Variants in RNASEH2B observed in about 807,000 individuals in gnomAD.
The protein encoded by RNASEH2B is Aicardi-Goutieres syndrome 2 protein.
A neutral mutation model predicts 45.0 loss-of-function variants in RNASEH2B; 36 were observed. The ratio of observed to expected loss-of-function variants is 0.80; its 90% confidence interval spans 0.61 to 1.06. RNASEH2B has a LOEUF of 1.06. RNASEH2B is among the 50% of genes least tolerant of loss of function. The pLI, the probability that RNASEH2B is intolerant of heterozygous loss-of-function variation, is 0.00. For synonymous variants in RNASEH2B, 119 were observed against 125.7 expected, an observed-to-expected ratio of 0.95 and a Z score of 0.35; for missense variants, 361 against 360.3, an observed-to-expected ratio of 1.00 and a Z score of -0.02.
chr13:50,941,109 C>G (rs1388659405), intron 5 of RNASEH2B: 3 of 152,138 alleles, frequency 2.0e-5, no homozygotes, highest in African/African-American at 4.8e-5. Context: ...TAGCACAGAC[C>G]TGAATAAACA....
intron 9 of RNASEH2B, among the ~76,000 whole-genome samples, chr13:50,962,403 ATTTTCTTTTT>A (rs554169022): frequency 6.7e-6 from 1 of 148,986 alleles, no homozygotes; most frequent in African/African-American, 2.4e-5. Context: ...AGCTATTCTA[ATTTTCTTTTT>A]TTTTCTTGTG....
At chr13:50,910,332 G>C (rs944863640) in intron 1 of RNASEH2B, 192 bp downstream of exon 1, 11 of 417,336 alleles carry the variant, frequency 2.6e-5, no homozygotes, top group Non-Finnish European at 3.8e-5. Context: ...ACCCGGAAGC[G>C]CCGAAAAGGA....
intron 1 of RNASEH2B, among the ~76,000 whole-genome samples, chr13:50,922,085 T>C (rs1330115098): frequency 6.6e-6 from 1 of 152,208 alleles, no homozygotes; most frequent in Non-Finnish European, 1.5e-5. Context: ...CAGGGCATAG[T>C]TGTTATTTGA....
At chr13:50,950,501 G>T (rs565776681) in intron 9 of RNASEH2B, 73 of 152,334 alleles carry the variant, frequency 4.8e-4, no homozygotes, top group African/African-American at 1.6e-3. Flanking sequence ...GCACTGGGCA[G>T]AAGTCTGTTG....
chr13:50,932,113 G>T (rs1056678456), intron 4 of RNASEH2B, among the ~76,000 whole-genome samples: 1 of 152,022 alleles, frequency 6.6e-6, no homozygotes, highest in South Asian at 2.1e-4. Flanking sequence ...ATTATTGGCC[G>T]CAAATATTGT....
chr13:50,967,082 A>G (rs904827733), intron 9 of RNASEH2B, among the ~76,000 whole-genome samples: 11 of 152,162 alleles, frequency 7.2e-5, no homozygotes, highest in African/African-American at 1.4e-4. Context: ...AAATGGGACT[A>G]TATCATCAAG....
chr13:50,946,009 A>G (rs1383290118), intron 7 of RNASEH2B, among the ~76,000 whole-genome samples: 1 of 152,164 alleles, frequency 6.6e-6, no homozygotes, highest in African/African-American at 2.4e-5. Flanking sequence ...CCTGTGGCAC[A>G]GTTGTACTGT....
chr13:50,931,062 AT>A (rs1951676064), intron 4 of RNASEH2B, among the ~76,000 whole-genome samples: 1 of 152,282 alleles, frequency 6.6e-6, no homozygotes, highest in African/African-American at 2.4e-5. Context: ...CTCCTTTATC[AT>A]TAAGTATTCC....
In RNASEH2B at chr13:50,918,139, A is replaced by G. The variant is rs1480325075; in HGVS notation, c.64+7999A>G. Among the ~76,000 whole-genome samples the G allele has an allele frequency of 2.0e-5, 3 of 151,726 alleles. No homozygotes were observed. The East Asian group carries it at 5.8e-4, about 29-fold the overall frequency. On this transcript the variant is annotated intron_variant, in intron 1 of 10. Coordinates refer to ENST00000336617, the MANE Select transcript of RNASEH2B (RefSeq NM_024570.4). ...AGGCTAGTTTCTAATTTTTATATTT[A>G]TTTATTTATTTATTTAGAGACAGAG...
rs540984248 is a variant in RNASEH2B at position 50,909,803 on chromosome 13, G to C, written c.-274G>C. On this transcript the variant is annotated 5_prime_UTR_variant, in exon 1 of 11. Transcript: ENST00000336617. ...ATGAGCACCTACCACTAGCGGAGCC[G>C]CGAGGGAGAGGCCGCGGCCCCTTCC... 2.7e-6 allele frequency: 1 copy of C among 365,636 alleles called. No individual in the cohort carries two copies. The highest frequency in any genetic ancestry group is 5.0e-6 in the Non-Finnish European group (1 of 201,654). 22.6% of individuals were successfully genotyped at this position (365,636 alleles called of 1,614,324 possible). A position where few individuals can be genotyped will look rare whatever the true frequency, so the allele number is the denominator to read the frequency against.
intron 1 of RNASEH2B, among the ~76,000 whole-genome samples, chr13:50,917,528 T>C (rs1162688497): frequency 3.3e-5 from 5 of 152,224 alleles, no homozygotes; most frequent in Admixed American, 3.3e-4. Flanking sequence ...GTTATAACTT[T>C]GCAAAACACT....
In RNASEH2B at chr13:50,964,770, G is replaced by A. The variant is rs183346744; in HGVS notation, c.742-5162G>A. ...TTAAAGTGCCTAAGCTGTTTTCTGGGTTTCTTTTGGGTCCTTGAATATGCC... is the reference window on the plus strand; with the variant it reads ...TTAAAGTGCCTAAGCTGTTTTCTGGATTTCTTTTGGGTCCTTGAATATGCC... On this transcript the variant is annotated intron_variant, in intron 9 of 9. Transcript: ENST00000422660. Among the ~76,000 whole-genome samples, 6 of 152,264 alleles carry A rather than the reference G, an allele frequency of 3.9e-5. No individual in the cohort carries two copies. In the East Asian group the frequency reaches 7.7e-4, roughly 20 times the overall value.
intron 9 of RNASEH2B, among the ~76,000 whole-genome samples, chr13:50,968,046 T>G (rs1382400280): frequency 6.6e-6 from 1 of 152,216 alleles, no homozygotes; most frequent in African/African-American, 2.4e-5. Context: ...CTCAGAGCCA[T>G]TAGACTGACC....
intron 7 of RNASEH2B, among the ~76,000 whole-genome samples, chr13:50,946,318 G>C (rs1283458507): frequency 6.6e-6 from 1 of 152,122 alleles, no homozygotes; most frequent in East Asian, 1.9e-4. Context: ...TATACATATG[G>C]CTTTAGTCAT....
intron 9 of RNASEH2B, among the ~76,000 whole-genome samples, chr13:50,962,218 T>G (rs1003692180): frequency 1.3e-5 from 2 of 152,174 alleles, no homozygotes; most frequent in African/African-American, 4.8e-5. Flanking sequence ...ACTGGGCTTA[T>G]AAAATGAGTT....
chr13:50,970,264 A>G, exon 10 of RNASEH2B: 1 of 534,524 alleles, frequency 1.9e-6, no homozygotes, highest in South Asian at 2.8e-5. Flanking sequence ...TGTTTTAGGT[A>G]TGGATGTGGT....
chr13:50,924,443 A>T (rs1049252050), intron 1 of RNASEH2B, among the ~76,000 whole-genome samples: 1 of 152,262 alleles, frequency 6.6e-6, no homozygotes, highest in Non-Finnish European at 1.5e-5. Flanking sequence ...TACTAGACAC[A>T]TAACAGTCTA....
At chr13:50,949,292 T>A in intron 8 of RNASEH2B, 171 bp from the exon 9 acceptor site, 1 of 623,958 alleles carries the variant, frequency 1.6e-6, no homozygotes, top group Non-Finnish European at 2.9e-6. Flanking sequence ...TAAAGACTCA[T>A]TTATTGAGAA....
chr13:50,929,697 C>G (rs1370572261), intron 3 of RNASEH2B, 115 bp downstream of exon 3: 6 of 721,222 alleles, frequency 8.3e-6, no homozygotes, highest in Non-Finnish European at 1.5e-5. Flanking sequence ...ACTGGTTTAG[C>G]CTTCCTTGGC....
Sources: allele counts gnomAD v4.1 joint callset (sites outside exome capture counted in the v4.1 genomes callset), GRCh38; gene constraint gnomAD v4.1.1; transcripts MANE v1.5; gene names NCBI Gene and HGNC (gene_info 2026-07-23, HGNC 2026-07-21).